TBR1: variants seen among roughly 807,000 people sequenced by gnomAD.
TBR1 encodes T-box brain protein 1.
A neutral mutation model predicts 60.3 loss-of-function variants in TBR1; 7 were observed. That is an observed-to-expected ratio of 0.12 (90% CI 0.07 to 0.22). The LOEUF is 0.22. TBR1 is among the 10% of genes least tolerant of loss of function. The probability of loss-of-function intolerance (pLI) is 1.00; values close to 1 mark genes in which losing one functional copy is unlikely to be tolerated. For synonymous variants in TBR1, 417 were observed against 409.9 expected (o/e 1.02, Z -0.21); for missense variants, 616 against 936.8 (o/e 0.66, Z 4.47).
Position 161,423,435 on chromosome 2 carries a change from C to A in TBR1, c.1257C>A (p.Ile419=). The change falls in exon 6 of 6, where the codon ATC becomes ATA. Residue 419 remains isoleucine (I), a synonymous_variant. Transcript: ENST00000389554. ...PSPNDSPRSQ[I]VPGARYAMAG... ...CCAACGACTCGCCGCGCTCGCAGAT[C>A]GTGCCCGGGGCCCGCTACGCCATGG... 5.0e-6 allele frequency: 8 copies of A among 1,602,796 alleles called. No homozygotes were observed. The highest frequency in any genetic ancestry group is 6.8e-6 in the Non-Finnish European group (8 of 1,175,242).
intron 5 of TBR1, chr2:161,421,483 GC>G (rs1364149621): frequency 6.6e-6 from 1 of 152,238 alleles, no homozygotes; most frequent in Non-Finnish European, 1.5e-5. Flanking sequence ...AAAAAGGTGT[GC>G]CCAGCACAGT....
At chr2:161,419,084 C>A (rs762802755) in intron 4 of TBR1, 34 bp downstream of exon 4, 11 of 1,612,934 alleles carry the variant, frequency 6.8e-6, no homozygotes, top group Non-Finnish European at 2.5e-6. Context: ...GCGAGGCGGG[C>A]GGCACAGACA....
chr2:161,424,108 G>A lies in TBR1; in HGVS notation c.1930G>A (p.Asp644Asn), dbSNP rs370327497. The A allele has an allele frequency of 1.2e-6, 2 of 1,612,150 alleles. No individual in the cohort carries two copies. Among genetic ancestry groups the A allele is most frequent in the Admixed American group, 1.7e-5 (1 of 59,882 alleles). Reference protein sequence around the residue: ...QAKRRRISPADTPVSESSSPL... With the variant: ...QAKRRRISPANTPVSESSSPL... ...CAAGCGGAGGCGGATCTCGCCGGCC[G>A]ACACGCCCGTGTCCGAGAGTTCGTC... The change falls in exon 6 of 6, where the codon GAC becomes AAC. Residue 644 changes from aspartate to asparagine, a missense_variant. By Grantham distance (23) the Asp-to-Asn change is conservative. Around this residue, in one of 8 missense-constraint regions of TBR1, gnomAD observed 210 missense variants for 297.4 expected, o/e 0.71. Coordinates refer to ENST00000389554, the MANE Select transcript of TBR1 (RefSeq NM_006593.4). The surrounding 1 kb of genome is among the most constrained non-coding windows in gnomAD (Gnocchi z 4.4).
Position 161,417,335 on chromosome 2 carries a change from G to T in TBR1, c.692+233G>T. 5.1e-6 allele frequency: 3 copies of T among 584,808 alleles called. No individual in the cohort carries two copies. The highest frequency in any genetic ancestry group is 8.8e-6 in the Non-Finnish European group (3 of 339,622). 36.2% of individuals were successfully genotyped at this position (584,808 alleles called of 1,614,324 possible). On this transcript the variant is annotated intron_variant, in intron 1 of 5. Transcript: ENST00000389554. This position sits in a 1 kb window ranked among gnomAD's most constrained non-coding sequence, Gnocchi z 5.3. The stretch of plus-strand genomic sequence containing the variant: ...GAGAGCCAGTCAGTGGCCAGAGGAA[G>T]GCAAGAAAAAGGAAGAGCCCTGGCC...
intron 4 of TBR1, 98 bp downstream of exon 4, chr2:161,419,148 G>GCTAA: frequency 6.4e-7 from 1 of 1,556,502 alleles, no homozygotes; most frequent in Non-Finnish European, 8.7e-7. Flanking sequence ...TACTAGCAGC[G>GCTAA]CTAACATCAG....
intron 5 of TBR1, chr2:161,422,821 T>C (rs1302710431): frequency 1.3e-5 from 2 of 152,216 alleles, no homozygotes; most frequent in Admixed American, 6.5e-5. Flanking sequence ...TGCGCGGCTT[T>C]TTCCTAGGGG....
In TBR1 at chr2:161,424,814, G is replaced by C. The variant is rs1373858775; in HGVS notation, c.*587G>C. ...AATGGCTAGTTTTTATTCTCGTCAA[G>C]GCACAAAACCAGTTCATGCTTAACC... On this transcript the variant is annotated 3_prime_UTR_variant, in exon 6 of 6. Transcript: ENST00000389554. This position sits in a 1 kb window ranked among gnomAD's most constrained non-coding sequence, Gnocchi z 4.4. The C allele has an allele frequency of 6.6e-6, 1 of 152,616 alleles. No individual in the cohort carries two copies. The highest frequency in any genetic ancestry group is 1.5e-5 in the Non-Finnish European group (1 of 68,056). The allele number at this position is 152,616 out of a possible 1,614,324, so 9.5% of individuals were successfully genotyped here.
Position 161,417,513 on chromosome 2 carries a change from T to C in TBR1, c.693-163T>C. 1.0e-6 allele frequency: 1 copy of C among 972,162 alleles called. No homozygotes were observed. Among genetic ancestry groups the C allele is most frequent in the South Asian group, 1.7e-5 (1 of 57,472 alleles). The allele number at this position is 972,162 out of a possible 1,614,324, so 60.2% of individuals were successfully genotyped here. ...CTCTCCCTGATTTGGGTTGCACTTC[T>C]TTTCTTCTCCCACCACCCTTTTTCT... On this transcript the variant is annotated intron_variant, in intron 1 of 5. Coordinates refer to ENST00000389554, the MANE Select transcript of TBR1 (RefSeq NM_006593.4). The surrounding 1 kb of genome is among the most constrained non-coding windows in gnomAD (Gnocchi z 5.3).
rs1393275875 is a variant in TBR1, at chr2:161,416,800, C to T, written c.390C>T (p.His130=). ...CCATGTTCCCGTACCCCGGCCAGCA[C>T]GGACCGGCGCACCCCGCCTTCTCCA... ...PSAMFPYPGQ[H]GPAHPAFSIG... The change falls in exon 1 of 6, where the codon CAC becomes CAT. Residue 130 remains histidine, a synonymous_variant. Transcript: ENST00000389554. This position sits in a 1 kb window ranked among gnomAD's most constrained non-coding sequence, Gnocchi z 6.1. 13 of 1,614,034 alleles carry T rather than the reference C, an allele frequency of 8.1e-6. No homozygotes were observed. Among genetic ancestry groups the T allele is most frequent in the African/African-American group, 1.3e-5 (1 of 74,944 alleles).
chr2:161,419,132 C>A (rs1684184490), intron 4 of TBR1, 82 bp downstream of exon 4: 2 of 1,598,158 alleles, frequency 1.3e-6, no homozygotes, highest in Non-Finnish European at 1.7e-6. Flanking sequence ...CCATGCAAGG[C>A]TAGGGTACTA....
intron 5 of TBR1, chr2:161,420,804 T>G (rs933828113): frequency 6.6e-6 from 1 of 152,402 alleles, no homozygotes; most frequent in South Asian, 2.1e-4. Flanking sequence ...TGAATACAAA[T>G]GTGCACCCAC....
chr2:161,418,818 G>A (rs1684178450), intron 3 of TBR1, 74 bp from the exon 4 acceptor site: 1 of 1,531,868 alleles, frequency 6.5e-7, no homozygotes. Flanking sequence ...GCGCGCAGCC[G>A]GGCGCACACA....
chr2:161,418,500 T>A (rs1295307293), intron 3 of TBR1, 178 bp downstream of exon 3: 1 of 997,896 alleles, frequency 1.0e-6, no homozygotes, highest in Admixed American at 3.1e-5. Flanking sequence ...GTTGTTCTCA[T>A]TGGCAACACC....
At position 161,424,473 on chromosome 2, in the gene TBR1, CTCT is replaced by C. The variant is rs1347097347; in HGVS notation, c.*253_*255del. The C allele has an allele frequency of 8.1e-6, 4 of 491,564 alleles. No individual in the cohort carries two copies. Among genetic ancestry groups the C allele is most frequent in the African/African-American group, 1.9e-5 (1 of 51,448 alleles). The allele number at this position is 491,564 out of a possible 1,614,324, so 30.5% of individuals were successfully genotyped here. A position where few individuals can be genotyped will look rare whatever the true frequency, so the allele number is the denominator to read the frequency against. The stretch of plus-strand genomic sequence containing the variant: ...GTAAACCTTTTGGTTTTCCTACTTA[CTCT>C]TCTTCTGTGGAGTTATCCTCCTACA... On this transcript the variant is annotated 3_prime_UTR_variant, in exon 6 of 6. Transcript: ENST00000389554. This position sits in a 1 kb window ranked among gnomAD's most constrained non-coding sequence, Gnocchi z 4.4.
In TBR1 at chr2:161,419,505, A is replaced by G. The variant is rs1168908123; in HGVS notation, c.1128+455A>G. 3 of 163,548 alleles carry G rather than the reference A, an allele frequency of 1.8e-5. No homozygotes were observed. In the East Asian group the frequency reaches 5.7e-4, roughly 31 times the overall value. 10.1% of individuals were successfully genotyped at this position (163,548 alleles called of 1,614,324 possible). ...ATCTCAGAACTGATGGCTGAAATGAACAAACATCACTGTTCTGGGAGATCA... is the reference window on the plus strand; with the variant it reads ...ATCTCAGAACTGATGGCTGAAATGAGCAAACATCACTGTTCTGGGAGATCA... On this transcript the variant is annotated intron_variant, in intron 4 of 5. Coordinates refer to ENST00000389554, the MANE Select transcript of TBR1 (RefSeq NM_006593.4).
chr2:161,418,064 T>A, intron 2 of TBR1, 137 bp from the exon 3 acceptor site: 2 of 1,465,842 alleles, frequency 1.4e-6, no homozygotes, highest in Non-Finnish European at 9.0e-7. Flanking sequence ...AAGCCCCAGT[T>A]AATGGGCTTC....
chr2:161,424,247 C>T lies in TBR1; in HGVS notation c.*20C>T, dbSNP rs752454083. ...AGCTAGGCCGCCCCTGCCCGCCCGG[C>T]CCCGCCGCGGCCCGGACCCCCAGCC... On this transcript the variant is annotated 3_prime_UTR_variant, in exon 6 of 6. Transcript: ENST00000389554. This position sits in a 1 kb window ranked among gnomAD's most constrained non-coding sequence, Gnocchi z 4.4. 1 of 1,531,404 alleles carries T rather than the reference C, an allele frequency of 6.5e-7. No homozygotes were observed. The allele number at this position is 1,531,404 out of a possible 1,614,324, so 94.9% of individuals were successfully genotyped here.
intron 5 of TBR1, chr2:161,420,665 G>C (rs919367516): frequency 6.5e-6 from 1 of 154,716 alleles, no homozygotes; most frequent in Non-Finnish European, 1.4e-5. Context: ...GTCTGAAACG[G>C]GCAATTCTGC....
chr2:161,423,315 A>T, intron 5 of TBR1, 54 bp from the exon 6 acceptor site: 1 of 364,882 alleles, frequency 2.7e-6, no homozygotes, highest in Non-Finnish European at 4.0e-6. Context: ...CCCCCACCCC[A>T]AGGGACCTCC....
Sources: allele counts gnomAD v4.1 joint callset, GRCh38; gene constraint gnomAD v4.1.1; regional missense constraint gnomAD v4.1.1; non-coding constraint Gnocchi (gnomAD v3.1); transcripts MANE v1.5; gene names NCBI Gene and HGNC (gene_info 2026-07-23, HGNC 2026-07-21).